Variants in SLC5A4 observed in about 807,000 individuals in gnomAD.
SLC5A4 encodes the protein solute carrier family 5 member 4.
In SLC5A4, 55 loss-of-function variants were observed where a neutral mutation model predicts 70.3. That is an observed-to-expected ratio of 0.78 (90% CI 0.63 to 0.98). SLC5A4 has a LOEUF of 0.98. Among genes scored for constraint, SLC5A4 ranks in the 50% least tolerant of loss-of-function variants. SLC5A4 has a pLI of 0.00. For missense variants in SLC5A4, 735 were observed against 839.2 expected, an observed-to-expected ratio of 0.88 and a Z score of 1.53; for synonymous variants, 268 against 305.7, an observed-to-expected ratio of 0.88 and a Z score of 1.29.
chr22:32,283,325 C>T, the SLC5A4 span, among the ~76,000 whole-genome samples: 2 of 152,252 alleles, frequency 1.3e-5, no homozygotes, highest in African/African-American at 2.4e-5. Flanking sequence ...TACCTCTGTG[C>T]TTACCTTCTC....
At chr22:32,290,066 T>A in the SLC5A4 span, among the ~76,000 whole-genome samples, 4 of 115,368 alleles carry the variant, frequency 3.5e-5, no homozygotes, top group East Asian at 9.1e-4. Flanking sequence ...TTGTAGGGCC[T>A]GGGTTTTTCT....
the SLC5A4 span, chr22:32,268,662 G>A: frequency 6.6e-6 from 1 of 152,180 alleles, no homozygotes; most frequent in African/African-American, 2.4e-5. Context: ...TTAAATATGG[G>A]CATAGGCTGA....
At chr22:32,319,641 T>C in the SLC5A4 span, among the ~76,000 whole-genome samples, 14 of 152,200 alleles carry the variant, frequency 9.2e-5, no homozygotes, top group Non-Finnish European at 5.9e-5. Flanking sequence ...CACTGACTAA[T>C]ACACCATCTG....
At chr22:32,324,063 G>C in the SLC5A4 span, among the ~76,000 whole-genome samples, 1 of 152,134 alleles carries the variant, frequency 6.6e-6, no homozygotes, top group African/African-American at 2.4e-5. Flanking sequence ...ACCTCCGTTT[G>C]GGAATGACAA....
At chr22:32,323,088 G>A in the SLC5A4 span, among the ~76,000 whole-genome samples, 1 of 152,162 alleles carries the variant, frequency 6.6e-6, no homozygotes, top group Non-Finnish European at 1.5e-5. Flanking sequence ...GAAATTCTCA[G>A]GACAAAATGT....
the SLC5A4 span, among the ~76,000 whole-genome samples, chr22:32,326,111 CAA>C: frequency 6.6e-6 from 1 of 152,172 alleles, no homozygotes; most frequent in Admixed American, 6.5e-5. Flanking sequence ...CCCTCTGTGA[CAA>C]TAACCCTTCC....
chr22:32,232,883 C>G lies in SLC5A4; in HGVS notation c.1021+16G>C, dbSNP rs200967026. ...CAAGCATAAAAAAAGAGAGAACATA[C>G]GGATTCAGGGCTTACCTGTGTACAG... On this transcript the variant is annotated intron_variant, in intron 9 of 14. Transcript: ENST00000266086. 4 of 1,599,938 alleles carry G rather than the reference C, an allele frequency of 2.5e-6. No homozygotes were observed. In the African/African-American group the frequency reaches 4.0e-5, roughly 16 times the overall value.
the SLC5A4 span, among the ~76,000 whole-genome samples, chr22:32,326,146 A>G: frequency 1.3e-5 from 2 of 152,244 alleles, no homozygotes; most frequent in Admixed American, 1.3e-4. Context: ...CAGAGGAGTC[A>G]TGAGGCACAA....
At chr22:32,347,906 C>T in the SLC5A4 span, among the ~76,000 whole-genome samples, 2 of 148,288 alleles carry the variant, frequency 1.3e-5, no homozygotes, top group Non-Finnish European at 3.0e-5. Context: ...AAATTACCCA[C>T]AAAAAAAAAA....
chr22:32,232,560 A>T, intron 9 of SLC5A4, among the ~76,000 whole-genome samples: 1 of 152,248 alleles, frequency 6.6e-6, no homozygotes, highest in Non-Finnish European at 1.5e-5. Context: ...CTCAGACAGT[A>T]CGGCTCACTC....
intron 2 of SLC5A4, among the ~76,000 whole-genome samples, chr22:32,252,557 G>T (rs1458803175): frequency 6.6e-6 from 1 of 152,098 alleles, no homozygotes; most frequent in Admixed American, 6.5e-5. Context: ...GGGTTCTGTG[G>T]CTGCAATAGA....
At chr22:32,309,891 C>T in the SLC5A4 span, among the ~76,000 whole-genome samples, 1 of 151,318 alleles carries the variant, frequency 6.6e-6, no homozygotes. Context: ...CTATCTATAC[C>T]ATGTGTGCTG....
At chr22:32,334,545 C>G in the SLC5A4 span, among the ~76,000 whole-genome samples, 1 of 152,336 alleles carries the variant, frequency 6.6e-6, no homozygotes, top group East Asian at 1.9e-4. Flanking sequence ...CTGCTGTGAG[C>G]TGTGTGGTAG....
the SLC5A4 span, among the ~76,000 whole-genome samples, chr22:32,318,077 G>T: frequency 6.6e-6 from 1 of 151,890 alleles, no homozygotes; most frequent in Non-Finnish European, 1.5e-5. Context: ...CTGCTTCCAG[G>T]ACACTGCACT....
At chr22:32,304,903 G>T in the SLC5A4 span, among the ~76,000 whole-genome samples, 8 of 151,680 alleles carry the variant, frequency 5.3e-5, no homozygotes, top group Non-Finnish European at 1.0e-4. Context: ...TAATTTTGTG[G>T]AGTGTAAAGT....
intron 9 of SLC5A4, 139 bp downstream of exon 9, chr22:32,232,760 G>A: frequency 1.9e-6 from 2 of 1,053,942 alleles, no homozygotes; most frequent in Non-Finnish European, 1.4e-6. Flanking sequence ...TTTGACCACT[G>A]TGCAGGCTGC....
intron 5 of SLC5A4, among the ~76,000 whole-genome samples, chr22:32,245,433 T>C (rs1926763424): frequency 2.0e-5 from 3 of 152,146 alleles, no homozygotes; most frequent in South Asian, 4.1e-4. Flanking sequence ...GTCTGGGAGG[T>C]TGCATCCTTC....
At chr22:32,299,286 G>A in the SLC5A4 span, among the ~76,000 whole-genome samples, 11 of 151,170 alleles carry the variant, frequency 7.3e-5, no homozygotes, top group East Asian at 1.9e-3. Context: ...TCACTTTCAG[G>A]TAAACCAATC....
the SLC5A4 span, among the ~76,000 whole-genome samples, chr22:32,325,482 G>A: frequency 6.6e-6 from 1 of 152,174 alleles, no homozygotes; most frequent in African/African-American, 2.4e-5. Flanking sequence ...GCCATTCAGA[G>A]GATCACAAGG....
Sources: allele counts gnomAD v4.1 joint callset (sites outside exome capture counted in the v4.1 genomes callset), GRCh38; gene constraint gnomAD v4.1.1; transcripts MANE v1.5; gene names NCBI Gene and HGNC (gene_info 2026-07-23, HGNC 2026-07-21).